The following GRHL2 variants were observed in gnomAD, a reference collection of about 807,000 sequenced individuals.
GRHL2 encodes grainyhead like transcription factor 2, also known as grainyhead-like protein 2 homolog.
Under a neutral mutation model 83.8 loss-of-function variants are expected in GRHL2, and 21 were observed. That is an observed-to-expected ratio of 0.25 (90% confidence interval 0.18 to 0.36). The LOEUF (loss-of-function observed/expected upper bound fraction) is 0.36, where lower values mean the gene tolerates loss of function less well. Among genes scored for constraint, GRHL2 ranks in the 10% least tolerant of loss-of-function variants. GRHL2 has a pLI of 1.00. For missense variants in GRHL2, 623 were observed against 781.8 expected (o/e 0.80, Z 2.42); for synonymous variants, 280 against 278.9 (o/e 1.00, Z -0.04).
chr8:101,623,090 C>T (rs144372928), intron 9 of GRHL2, among the ~76,000 whole-genome samples: 30 of 152,352 alleles, frequency 2.0e-4, no homozygotes, highest in African/African-American at 7.0e-4. Context: ...TCCGAGAGTT[C>T]TGGTTTAGCA....
chr8:101,594,380 A>G (rs1812350718), intron 7 of GRHL2, among the ~76,000 whole-genome samples: 1 of 152,202 alleles, frequency 6.6e-6, no homozygotes, highest in Non-Finnish European at 1.5e-5. Flanking sequence ...GGTTTGAGAA[A>G]CTTTCTTGAG....
At chr8:101,664,351 A>G in intron 14 of GRHL2, 103 bp from the exon 15 acceptor site, 1 of 806,774 alleles carries the variant, frequency 1.2e-6, no homozygotes, top group Non-Finnish European at 2.2e-6. Context: ...AGAGCACTCT[A>G]TCCCTGGGAA....
downstream of GRHL2, among the ~76,000 whole-genome samples, chr8:101,674,384 T>C (rs1318119202): frequency 6.6e-6 from 1 of 152,174 alleles, no homozygotes; most frequent in East Asian, 1.9e-4. Context: ...ATGTCACCAC[T>C]GATCCCACAG....
chr8:101,599,407 A>G (rs1812464325), intron 8 of GRHL2, among the ~76,000 whole-genome samples: 1 of 152,186 alleles, frequency 6.6e-6, no homozygotes, highest in African/African-American at 2.4e-5. Flanking sequence ...AGCTGGGAAG[A>G]TGGGGCCTGA....
At chr8:101,643,270 C>T (rs1813438495) in intron 12 of GRHL2, among the ~76,000 whole-genome samples, 1 of 149,756 alleles carries the variant, frequency 6.7e-6, no homozygotes. Context: ...TTCTAAAAAC[C>T]TGCATCTGTT....
At chr8:101,528,755 C>A in intron 1 of GRHL2, 1 of 288,988 alleles carries the variant, frequency 3.5e-6, no homozygotes, top group South Asian at 3.8e-5. Flanking sequence ...GTGATAATCC[C>A]AAATCAGTCC....
rs141931960 is a variant in GRHL2 at position 101,644,531 on chromosome 8, T to C, written c.1612+306T>C. On this transcript the variant is annotated intron_variant, in intron 13 of 15. Coordinates refer to ENST00000646743, the MANE Select transcript of GRHL2 (RefSeq NM_024915.4). ...AAACTCTTGCTGCGTGTGTGGACAG[T>C]CATACCTCATAAGAACTAGTGATTG... Among the ~76,000 whole-genome samples the C allele has an allele frequency of 2.8e-4, 42 of 152,338 alleles. No individual in the cohort carries two copies. In the East Asian group the frequency reaches 7.7e-3, roughly 28 times the overall value.
At chr8:101,655,047 T>A (rs1464667022) in intron 14 of GRHL2, among the ~76,000 whole-genome samples, 2 of 151,994 alleles carry the variant, frequency 1.3e-5, no homozygotes, top group African/African-American at 4.8e-5. Context: ...CCAGGTGTGG[T>A]GGTGCATGCC....
At position 101,595,640 on chromosome 8, in the gene GRHL2, C is replaced by T. The variant is rs1812375975; in HGVS notation, c.1004-3417C>T. Among the ~76,000 whole-genome samples the T allele has an allele frequency of 2.6e-5, 4 of 152,100 alleles. No individual in the cohort carries two copies. In the South Asian group the frequency reaches 8.3e-4, roughly 32 times the overall value. ...AGCACAGGTTTATATTTAAAATCAT[C>T]CCAAGTATAGTCGTATAACCTTATT... On this transcript the variant is annotated intron_variant, in intron 7 of 15. Coordinates refer to ENST00000646743, the MANE Select transcript of GRHL2 (RefSeq NM_024915.4).
At chr8:101,555,758 A>G (rs959780566) in intron 3 of GRHL2, among the ~76,000 whole-genome samples, 2 of 152,134 alleles carry the variant, frequency 1.3e-5, no homozygotes. Flanking sequence ...TTTCTTCTAC[A>G]CATAAAGTTT....
intron 2 of GRHL2, among the ~76,000 whole-genome samples, chr8:101,547,546 C>A (rs1811291394): frequency 6.6e-6 from 1 of 152,162 alleles, no homozygotes; most frequent in African/African-American, 2.4e-5. Flanking sequence ...ATTTCAAGGT[C>A]TTTTCACCTA....
At chr8:101,564,369 G>A (rs1198962295) in intron 4 of GRHL2, among the ~76,000 whole-genome samples, 1 of 152,162 alleles carries the variant, frequency 6.6e-6, no homozygotes, top group African/African-American at 2.4e-5. Context: ...TAGAACCCGG[G>A]TTGAATAATC....
intron 8 of GRHL2, among the ~76,000 whole-genome samples, chr8:101,616,487 G>A (rs748254204): frequency 1.3e-5 from 2 of 152,114 alleles, no homozygotes; most frequent in Non-Finnish European, 2.9e-5. Flanking sequence ...TTCTTTCTCA[G>A]TAGTCTTTGT....
chr8:101,637,014 C>A (rs1813301551), intron 12 of GRHL2, 86 bp downstream of exon 12: 2 of 1,229,824 alleles, frequency 1.6e-6, no homozygotes, highest in Non-Finnish European at 2.4e-6. Flanking sequence ...TAACCCTAGG[C>A]AGGAAGTGAA....
intron 1 of GRHL2, among the ~76,000 whole-genome samples, chr8:101,519,908 G>C (rs1174889929): frequency 6.6e-6 from 1 of 152,096 alleles, no homozygotes; most frequent in African/African-American, 2.4e-5. Context: ...TATAATTATT[G>C]TCTAATTATT....
rs139780148 is a variant in GRHL2 at position 101,566,768 on chromosome 8, A to G, written c.679-3571A>G. Reference sequence around the variant, plus strand: ...TTAAGGTTGACTGCCAGTGATGCCAATTTTCCCTTTCTCATAGCAGTGAAT... The same window carrying G: ...TTAAGGTTGACTGCCAGTGATGCCAGTTTTCCCTTTCTCATAGCAGTGAAT... On this transcript the variant is annotated intron_variant, in intron 4 of 15. Transcript: ENST00000646743. Among the ~76,000 whole-genome samples, 249 of 152,038 alleles carry G rather than the reference A, an allele frequency of 1.6e-3. 1 individual carries two copies. The highest frequency in any genetic ancestry group is 2.5e-3 in the Non-Finnish European group (171 of 67,964).
In GRHL2 at chr8:101,577,272, C is replaced by G. The variant is rs1811952399; in HGVS notation, c.892-136C>G. ...TTTATAACAAAACGGACCATACAGC[C>G]AAGCTTGTCTGGGCTTTTCTAAAGC... On this transcript the variant is annotated intron_variant, in intron 6 of 15. Coordinates refer to ENST00000646743, the MANE Select transcript of GRHL2 (RefSeq NM_024915.4). 3 of 701,324 alleles carry G rather than the reference C, an allele frequency of 4.3e-6. No individual in the cohort carries two copies. In the South Asian group the frequency reaches 4.5e-5, roughly 11 times the overall value. The allele number at this position is 701,324 out of a possible 1,614,324, so 43.4% of individuals were successfully genotyped here.
At chr8:101,548,369 G>A (rs909316481) in intron 2 of GRHL2, among the ~76,000 whole-genome samples, 2 of 152,180 alleles carry the variant, frequency 1.3e-5, no homozygotes, top group Non-Finnish European at 2.9e-5. Flanking sequence ...TGCTCAAAAA[G>A]GGGCATGTTC....
intron 1 of GRHL2, among the ~76,000 whole-genome samples, chr8:101,521,165 T>G (rs1384104781): frequency 6.6e-6 from 1 of 151,738 alleles, no homozygotes; most frequent in African/African-American, 2.4e-5. Flanking sequence ...AGGGAGGAAA[T>G]GTTGAGCAGA....
Sources: allele counts gnomAD v4.1 joint callset (sites outside exome capture counted in the v4.1 genomes callset), GRCh38; gene constraint gnomAD v4.1.1; transcripts MANE v1.5; gene names NCBI Gene and HGNC (gene_info 2026-07-23, HGNC 2026-07-21).